Variants in CDH8 observed in about 807,000 individuals in gnomAD.
CDH8 encodes the protein cadherin 8.
In CDH8, 17 loss-of-function variants were observed where a neutral mutation model predicts 68.1. The observed-to-expected ratio is 0.25, with a 90% CI of 0.17 to 0.37. The LOEUF is 0.37. Ranked by LOEUF, CDH8 falls within the 10% of genes least tolerant of loss-of-function variation. The pLI is 1.00. For missense variants in CDH8, 763 were observed against 999.3 expected (o/e 0.76, Z 3.19); for synonymous variants, 372 against 365.1 (o/e 1.02, Z -0.21).
At chr16:61,762,349 GATAA>G (rs1266239453) in intron 8 of CDH8, among the ~76,000 whole-genome samples, 36 of 152,194 alleles carry the variant, frequency 2.4e-4, no homozygotes, top group East Asian at 1.2e-3. Flanking sequence ...CTATGTAAAG[GATAA>G]ATAGAGTCTC....
In CDH8 at chr16:61,686,358, T is replaced by A. The variant is rs561742710; in HGVS notation, c.1654+27483A>T. On this transcript the variant is annotated intron_variant, in intron 10 of 11. Transcript: ENST00000577390. ...ACAGGGCACTGTTCCCAGAATTGATTGCCACAACTATCCATTTAGTTTTGC... is the reference window on the plus strand; with the variant it reads ...ACAGGGCACTGTTCCCAGAATTGATAGCCACAACTATCCATTTAGTTTTGC... Among the ~76,000 whole-genome samples, 6 of 152,142 alleles carry A rather than the reference T, an allele frequency of 3.9e-5. No homozygotes were observed. In the East Asian group the frequency reaches 9.7e-4, roughly 25 times the overall value.
chr16:61,724,018 AAC>A (rs1959269439), intron 9 of CDH8, among the ~76,000 whole-genome samples: 1 of 150,698 alleles, frequency 6.6e-6, no homozygotes, highest in African/African-American at 2.4e-5. Context: ...TAGCAATGAT[AAC>A]ATATATAATA....
chr16:61,979,206 C>T (rs951150746), intron 2 of CDH8, among the ~76,000 whole-genome samples: 1 of 152,242 alleles, frequency 6.6e-6, no homozygotes, highest in East Asian at 1.9e-4. Flanking sequence ...AAAGATGAGA[C>T]ATCATACAGG....
chr16:61,917,964 T>C (rs1964271399), intron 2 of CDH8, among the ~76,000 whole-genome samples: 1 of 116,760 alleles, frequency 8.6e-6, no homozygotes, highest in African/African-American at 4.2e-5. Flanking sequence ...GTCAAAGTTA[T>C]TTGCTTTTTT....
At chr16:61,793,720 G>A (rs1961435531) in intron 7 of CDH8, among the ~76,000 whole-genome samples, 1 of 152,094 alleles carries the variant, frequency 6.6e-6, no homozygotes, top group Admixed American at 6.6e-5. Context: ...ACCTATGCAT[G>A]CCTGTGTCTT....
chr16:61,969,053 C>A (rs1035802673), intron 2 of CDH8, among the ~76,000 whole-genome samples: 1 of 152,144 alleles, frequency 6.6e-6, no homozygotes, highest in Non-Finnish European at 1.5e-5. Flanking sequence ...CAAAAAGGAA[C>A]TGAAATAAAA....
intron 1 of CDH8, among the ~76,000 whole-genome samples, chr16:62,025,415 A>G (rs542546923): frequency 6.6e-6 from 1 of 152,224 alleles, no homozygotes; most frequent in African/African-American, 2.4e-5. Flanking sequence ...AGGTCTAGCC[A>G]TATACCACAG....
chr16:61,788,283 CCT>C (rs1961287451), intron 8 of CDH8, among the ~76,000 whole-genome samples: 1 of 152,012 alleles, frequency 6.6e-6, no homozygotes, highest in Admixed American at 6.6e-5. Context: ...AGATATTTCC[CCT>C]GTTTTCACAT....
intron 3 of CDH8, among the ~76,000 whole-genome samples, chr16:61,857,953 C>T (rs1963077434): frequency 6.6e-6 from 1 of 151,822 alleles, no homozygotes; most frequent in African/African-American, 2.4e-5. Flanking sequence ...AAAGAGCAAA[C>T]CTATACATTT....
chr16:62,003,324 G>C (rs1413541428), intron 2 of CDH8, among the ~76,000 whole-genome samples: 1 of 152,046 alleles, frequency 6.6e-6, no homozygotes, highest in African/African-American at 2.4e-5. Context: ...AAGATCAAGC[G>C]TTTTTAAAAT....
In CDH8 at chr16:61,817,481, T is replaced by C. The variant is rs1450990940; in HGVS notation, c.1275A>G (p.Ile425Met). ...ARDPDITSSP[I>M]RFSIDRHTDL... is the part of the protein sequence containing the mutation. ...TATTCCTTTTAAAATAAAAATACCTTATAGGACTGGAAGTGATATCAGGGT... is the reference window on the plus strand; with the variant it reads ...TATTCCTTTTAAAATAAAAATACCTCATAGGACTGGAAGTGATATCAGGGT... The change falls in exon 7 of 12, where the codon ATA becomes ATG. Residue 425 changes from isoleucine (I) to methionine (M), a missense_variant and splice_region_variant. By Grantham distance (10) the Ile-to-Met change is conservative. This residue lies in a region of CDH8 where 366 missense variants were observed against 563.1 expected (regional missense o/e 0.65). Coordinates refer to ENST00000577390, the MANE Select transcript of CDH8 (RefSeq NM_001796.5). 1 of 1,613,740 alleles carries C rather than the reference T, an allele frequency of 6.2e-7. No homozygotes were observed. Among genetic ancestry groups the C allele is most frequent in the African/African-American group, 1.3e-5 (1 of 74,870 alleles).
intron 9 of CDH8, among the ~76,000 whole-genome samples, chr16:61,723,924 T>A (rs1372974710): frequency 6.6e-6 from 1 of 150,622 alleles, no homozygotes; most frequent in Non-Finnish European, 1.5e-5. Context: ...TGAATTAGAG[T>A]CTAAAGATGT....
At chr16:61,714,614 A>G (rs1339376970) in intron 9 of CDH8, among the ~76,000 whole-genome samples, 1 of 151,642 alleles carries the variant, frequency 6.6e-6, no homozygotes, top group Admixed American at 6.6e-5. Flanking sequence ...GGTACTTGGA[A>G]TCGGTGCTTA....
chr16:61,654,166 T>C lies in CDH8; in HGVS notation c.1907-65A>G, dbSNP rs553663246. 14 of 1,456,324 alleles carry C rather than the reference T, an allele frequency of 9.6e-6. No individual in the cohort carries two copies. The African/African-American group carries it at 9.9e-5, about 10-fold the overall frequency. 90.2% of individuals were successfully genotyped at this position (1,456,324 alleles called of 1,614,324 possible). On this transcript the variant is annotated intron_variant, in intron 11 of 11. Transcript: ENST00000577390. ...ATATAATTTCACAAGCAACACACTA[T>C]ATATGTTAGGAGAGAGGGGTATTTT... is the stretch of plus-strand genomic sequence containing the variant.
chr16:61,960,837 C>G (rs1965141756), intron 2 of CDH8, among the ~76,000 whole-genome samples: 1 of 152,164 alleles, frequency 6.6e-6, no homozygotes, highest in African/African-American at 2.4e-5. Context: ...TCGCTGCTAG[C>G]TTCAAGATTG....
At chr16:61,869,113 T>C (rs1963309955) in intron 3 of CDH8, among the ~76,000 whole-genome samples, 1 of 152,214 alleles carries the variant, frequency 6.6e-6, no homozygotes, top group Non-Finnish European at 1.5e-5. Flanking sequence ...TTCATTTCTC[T>C]TTATTGGTAT....
intron 8 of CDH8, among the ~76,000 whole-genome samples, chr16:61,766,510 T>C (rs1960595866): frequency 6.6e-6 from 1 of 151,974 alleles, no homozygotes; most frequent in Admixed American, 6.6e-5. Context: ...ATACCCAGCA[T>C]GGGATTGCTG....
At chr16:62,006,367 AG>A (rs1396582296) in intron 2 of CDH8, among the ~76,000 whole-genome samples, 2 of 152,214 alleles carry the variant, frequency 1.3e-5, no homozygotes, top group Non-Finnish European at 2.9e-5. Context: ...GAGGAAGTAT[AG>A]GTTTTGGAAA....
chr16:61,955,954 C>T (rs541361734), intron 2 of CDH8, among the ~76,000 whole-genome samples: 1 of 152,280 alleles, frequency 6.6e-6, no homozygotes, highest in African/African-American at 2.4e-5. Context: ...CACAATTAAA[C>T]AAACAGGTAG....
Sources: gnomAD v4.1 joint callset for allele counts (sites outside exome capture counted in the v4.1 genomes callset) on GRCh38, gnomAD v4.1.1 for gene constraint, gnomAD v4.1.1 regional missense constraint, MANE v1.5 for transcripts, NCBI Gene and HGNC (gene_info 2026-07-23, HGNC 2026-07-21) for gene names.